The following SYT9 variants were observed in gnomAD, a reference collection of about 807,000 sequenced individuals.
The protein encoded by SYT9 is synaptotagmin 9.
In SYT9, 22 loss-of-function variants were observed where a neutral mutation model predicts 48.4. The ratio of observed to expected loss-of-function variants is 0.45; its 90% CI spans 0.32 to 0.65. SYT9 has a LOEUF of 0.65. Among genes scored for constraint, SYT9 ranks in the 30% least tolerant of loss-of-function variants. SYT9 has a pLI of 0.03. For synonymous variants in SYT9, 265 were observed against 245.0 expected (o/e 1.08, Z -0.76); for missense variants, 577 against 622.0 (o/e 0.93, Z 0.77).
chr11:7,400,828 T>C (rs768941890), intron 3 of SYT9, among the ~76,000 whole-genome samples: 17 of 152,080 alleles, frequency 1.1e-4, no homozygotes, highest in Non-Finnish European at 2.5e-4. Context: ...TAAAAAACAG[T>C]GTACAGTAAC....
intron 6 of SYT9, chr11:7,457,362 T>C (rs1471203587): frequency 6.6e-6 from 1 of 152,326 alleles, no homozygotes; most frequent in Non-Finnish European, 1.5e-5. Flanking sequence ...TAGCATTTGG[T>C]GCCACTTGAT....
intron 1 of SYT9, among the ~76,000 whole-genome samples, chr11:7,241,207 A>AACACACACACAC (rs141196550): frequency 1.4e-5 from 2 of 144,110 alleles, no homozygotes; most frequent in African/African-American, 5.2e-5. Context: ...TGTTATTTAA[A>AACACACACACAC]ACACACACAC....
rs144286275 is a variant in SYT9, at chr11:7,256,868, G to A, written c.145+4537G>A. Among the ~76,000 whole-genome samples the A allele has an allele frequency of 6.6e-5, 10 of 152,268 alleles. No individual in the cohort carries two copies. In the East Asian group the frequency reaches 1.9e-3, roughly 29 times the overall value. Reference sequence around the variant, plus strand: ...TATGAAGCAGAGCCTTAAGACTCATGATTAGTGATTCTTCTCTCCATGTAA... The same window carrying A: ...TATGAAGCAGAGCCTTAAGACTCATAATTAGTGATTCTTCTCTCCATGTAA... On this transcript the variant is annotated intron_variant, in intron 1 of 6. Transcript: ENST00000318881.
chr11:7,372,235 A>G (rs1850374900), intron 3 of SYT9, among the ~76,000 whole-genome samples: 1 of 152,162 alleles, frequency 6.6e-6, no homozygotes, highest in Non-Finnish European at 1.5e-5. Context: ...TGTATGACTA[A>G]TGATGAGCAC....
intron 3 of SYT9, among the ~76,000 whole-genome samples, chr11:7,367,052 C>A (rs1351731713): frequency 1.3e-5 from 2 of 148,868 alleles, no homozygotes; most frequent in Non-Finnish European, 3.0e-5. Context: ...TTATCATTAC[C>A]CTTCTTTCCA....
At chr11:7,451,601 G>T (rs1023541845) in intron 6 of SYT9, among the ~76,000 whole-genome samples, 3 of 152,148 alleles carry the variant, frequency 2.0e-5, no homozygotes, top group Non-Finnish European at 4.4e-5. Flanking sequence ...ATCTCCCCAG[G>T]CTTAAGCCCA....
chr11:7,366,539 T>G (rs1019175186), intron 3 of SYT9, among the ~76,000 whole-genome samples: 3 of 152,176 alleles, frequency 2.0e-5, no homozygotes, highest in Admixed American at 6.5e-5. Context: ...TTAATAGACA[T>G]CCACATTAAT....
chr11:7,279,378 T>G (rs1334369813), intron 1 of SYT9, among the ~76,000 whole-genome samples: 1 of 152,150 alleles, frequency 6.6e-6, no homozygotes, highest in Non-Finnish European at 1.5e-5. Flanking sequence ...ACAAAAAAAC[T>G]GACTCAAGGA....
intron 3 of SYT9, among the ~76,000 whole-genome samples, chr11:7,412,419 A>G (rs1391139308): frequency 1.3e-5 from 2 of 152,156 alleles, no homozygotes; most frequent in African/African-American, 4.8e-5. Flanking sequence ...GCAATAGCGT[A>G]GTTTCTGTAT....
intron 1 of SYT9, among the ~76,000 whole-genome samples, chr11:7,270,412 C>T (rs182918633): frequency 1.3e-3 from 192 of 152,148 alleles, no homozygotes; most frequent in Middle Eastern, 3.4e-3. Flanking sequence ...GCTTTCAGAT[C>T]GATAAGAAGA....
chr11:7,296,501 A>G (rs1054214871), intron 1 of SYT9, among the ~76,000 whole-genome samples: 2 of 152,164 alleles, frequency 1.3e-5, no homozygotes, highest in African/African-American at 4.8e-5. Context: ...GTTCTCCTTC[A>G]CTGGATAATT....
intron 3 of SYT9, among the ~76,000 whole-genome samples, chr11:7,395,868 CT>C (rs879542094): frequency 5.9e-5 from 9 of 151,954 alleles, no homozygotes; most frequent in Non-Finnish European, 1.3e-4. Flanking sequence ...GGTTTTGTTT[CT>C]GTTATGATGT....
chr11:7,311,686 A>G (rs1341076913), intron 2 of SYT9, among the ~76,000 whole-genome samples: 5 of 152,210 alleles, frequency 3.3e-5, no homozygotes, highest in Non-Finnish European at 5.9e-5. Flanking sequence ...TTGAAGAAAA[A>G]ATGTTTCTTT....
At chr11:7,349,106 G>A (rs1399268676) in intron 3 of SYT9, among the ~76,000 whole-genome samples, 1 of 152,008 alleles carries the variant, frequency 6.6e-6, no homozygotes. Context: ...GTTTGGAATA[G>A]GAGATTTCAA....
At chr11:7,334,006 C>G (rs1849590020) in intron 3 of SYT9, among the ~76,000 whole-genome samples, 1 of 152,048 alleles carries the variant, frequency 6.6e-6, no homozygotes, top group Non-Finnish European at 1.5e-5. Context: ...CCTAACCTGG[C>G]CTGGTATATT....
At chr11:7,276,070 TC>T (rs1848384847) in intron 1 of SYT9, among the ~76,000 whole-genome samples, 2 of 152,078 alleles carry the variant, frequency 1.3e-5, no homozygotes, top group Admixed American at 6.6e-5. Context: ...GAATACACCA[TC>T]CCCCACCCCC....
chr11:7,382,348 A>G (rs1003159810), intron 3 of SYT9, among the ~76,000 whole-genome samples: 1 of 152,170 alleles, frequency 6.6e-6, no homozygotes, highest in African/African-American at 2.4e-5. Context: ...TGACTTGCAG[A>G]TGTGGGAAGC....
chr11:7,395,576 C>G (rs916788814), intron 3 of SYT9, among the ~76,000 whole-genome samples: 1 of 151,438 alleles, frequency 6.6e-6, no homozygotes, highest in South Asian at 2.1e-4. Flanking sequence ...TGAATTGAAC[C>G]CTTTATCATT....
chr11:7,447,888 T>C (rs7130698), intron 6 of SYT9, among the ~76,000 whole-genome samples: 62,906 of 151,874 alleles, frequency 0.41, 15,770 homozygotes, highest in African/African-American at 0.7. Context: ...AGAGGGTGGG[T>C]TCAGCTTCTC....
Sources: gnomAD v4.1 joint callset for allele counts (sites outside exome capture counted in the v4.1 genomes callset) on GRCh38, gnomAD v4.1.1 for gene constraint, MANE v1.5 for transcripts, NCBI Gene and HGNC (gene_info 2026-07-23, HGNC 2026-07-21) for gene names.